The following CACNG3 variants were observed in gnomAD, a reference collection of about 807,000 sequenced individuals.
CACNG3 encodes the protein voltage-dependent calcium channel gamma-3 subunit.
In CACNG3, 3 loss-of-function variants were observed where a neutral mutation model predicts 28.5. The ratio of observed to expected loss-of-function variants is 0.11; its 90% CI spans 0.05 to 0.27. The LOEUF (loss-of-function observed/expected upper bound fraction) is 0.27, where lower values mean the gene tolerates loss of function less well. CACNG3 is among the 10% of genes least tolerant of loss of function. The pLI, the probability that CACNG3 is intolerant of heterozygous loss-of-function variation, is 1.00. For synonymous variants in CACNG3, 174 were observed against 162.2 expected (o/e 1.07, Z -0.55); for missense variants, 236 against 414.4 (o/e 0.57, Z 3.74).
At chr16:24,353,394 G>A (rs1237790667) in intron 2 of CACNG3, among the ~76,000 whole-genome samples, 1 of 152,220 alleles carries the variant, frequency 6.6e-6, no homozygotes, top group Non-Finnish European at 1.5e-5. Context: ...GTAAACCAAT[G>A]AGCACAGAAT....
chr16:24,319,986 G>A (rs112536789), intron 1 of CACNG3, among the ~76,000 whole-genome samples: 1 of 152,290 alleles, frequency 6.6e-6, no homozygotes, highest in African/African-American at 2.4e-5. Flanking sequence ...GGCCAGGCTG[G>A]TCTCGAACTC....
intron 1 of CACNG3, among the ~76,000 whole-genome samples, chr16:24,308,953 C>T (rs1344518056): frequency 2.0e-5 from 3 of 151,786 alleles, no homozygotes; most frequent in African/African-American, 7.3e-5. Flanking sequence ...TGCCACTGGC[C>T]TGGCTACATT....
intron 2 of CACNG3, among the ~76,000 whole-genome samples, chr16:24,354,177 A>G (rs1165667667): frequency 6.6e-6 from 1 of 152,178 alleles, no homozygotes; most frequent in African/African-American, 2.4e-5. Flanking sequence ...GAGTGACAGA[A>G]CAAGCATCAT....
At chr16:24,281,027 A>G (rs145759534) in intron 1 of CACNG3, among the ~76,000 whole-genome samples, 3 of 152,220 alleles carry the variant, frequency 2.0e-5, no homozygotes, top group Admixed American at 6.5e-5. Flanking sequence ...TACTGAAATA[A>G]CAGAGGTATG....
intron 1 of CACNG3, among the ~76,000 whole-genome samples, chr16:24,278,031 C>T (rs1025786203): frequency 7.2e-5 from 11 of 152,144 alleles, no homozygotes; most frequent in Non-Finnish European, 1.0e-4. Flanking sequence ...TGACTTTAAA[C>T]TGTGGTCAGG....
chr16:24,306,616 G>C (rs1899188780), intron 1 of CACNG3, among the ~76,000 whole-genome samples: 1 of 152,114 alleles, frequency 6.6e-6, no homozygotes, highest in African/African-American at 2.4e-5. Flanking sequence ...GACACTCTCT[G>C]CCCCACGCCA....
Position 24,334,809 on chromosome 16 carries a change from A to T in CACNG3, c.212-11925A>T, listed in dbSNP as rs920780389. On this transcript the variant is annotated intron_variant, in intron 1 of 3. Coordinates refer to ENST00000005284, the MANE Select transcript of CACNG3 (RefSeq NM_006539.4). ...CTAGGTCTATTCCCTCCCGGGAGTG[A>T]TGGTTCCTGGGGCTCCTTGCCTGGG... Among the ~76,000 whole-genome samples, 7 of 152,132 alleles carry T rather than the reference A, an allele frequency of 4.6e-5. No homozygotes were observed. In the East Asian group the frequency reaches 1.4e-3, roughly 29 times the overall value.
intron 1 of CACNG3, among the ~76,000 whole-genome samples, chr16:24,315,342 C>T (rs1286836759): frequency 6.6e-6 from 1 of 151,988 alleles, no homozygotes; most frequent in Non-Finnish European, 1.5e-5. Flanking sequence ...GGGTTTACTT[C>T]CCAAGCTGCC....
chr16:24,299,858 C>T (rs770371917), intron 1 of CACNG3, among the ~76,000 whole-genome samples: 2 of 152,066 alleles, frequency 1.3e-5, no homozygotes, highest in Non-Finnish European at 2.9e-5. Flanking sequence ...TAGGGGAAGA[C>T]AAGTGTGCCC....
chr16:24,311,250 C>T (rs947060817), intron 1 of CACNG3, among the ~76,000 whole-genome samples: 1 of 152,196 alleles, frequency 6.6e-6, no homozygotes, highest in Non-Finnish European at 1.5e-5. Context: ...GTGGCTCACG[C>T]CTGTAATCCC....
chr16:24,269,746 CAAAAAAAA>C (rs1163565728), intron 1 of CACNG3, among the ~76,000 whole-genome samples: 8 of 71,088 alleles, frequency 1.1e-4, no homozygotes, highest in African/African-American at 1.9e-4. Context: ...GACTCCATCT[CAAAAAAAA>C]AAAAAAAAAA....
intron 1 of CACNG3, among the ~76,000 whole-genome samples, chr16:24,293,150 T>C (rs1898987235): frequency 2.0e-5 from 3 of 152,220 alleles, no homozygotes; most frequent in Admixed American, 2.0e-4. Context: ...AATTTCAAGG[T>C]TCTAGAGCTG....
chr16:24,342,626 A>G, intron 1 of CACNG3, among the ~76,000 whole-genome samples: 1 of 152,220 alleles, frequency 6.6e-6, no homozygotes, highest in South Asian at 2.1e-4. Flanking sequence ...AGTGGCATCA[A>G]CATGTTTTAT....
intron 2 of CACNG3, among the ~76,000 whole-genome samples, chr16:24,350,630 AG>A (rs1899928722): frequency 1.3e-5 from 2 of 152,202 alleles, no homozygotes; most frequent in African/African-American, 4.8e-5. Flanking sequence ...TAACCAACAC[AG>A]TTCAATAGCT....
chr16:24,359,530 G>A (rs1374930776), intron 3 of CACNG3, among the ~76,000 whole-genome samples: 2 of 152,060 alleles, frequency 1.3e-5, no homozygotes, highest in Non-Finnish European at 2.9e-5. Flanking sequence ...CTGTACTCTG[G>A]AGAAAAATTT....
intron 1 of CACNG3, among the ~76,000 whole-genome samples, chr16:24,285,430 A>G (rs1034091653): frequency 6.6e-5 from 10 of 152,168 alleles, no homozygotes; most frequent in African/African-American, 2.4e-4. Flanking sequence ...GCCCCAACTC[A>G]TCCCCTTCCA....
At chr16:24,264,104 GCAGCTGAGCTGCCACC>G in intron 1 of CACNG3, among the ~76,000 whole-genome samples, 1 of 152,372 alleles carries the variant, frequency 6.6e-6, no homozygotes, top group East Asian at 1.9e-4. Flanking sequence ...CTGGGAGTGG[GCAGCTGAGCTGCCACC>G]CTTGTGTTCA....
intron 1 of CACNG3, among the ~76,000 whole-genome samples, chr16:24,326,198 T>A (rs959296345): frequency 6.6e-6 from 1 of 150,454 alleles, no homozygotes; most frequent in Non-Finnish European, 1.5e-5. Flanking sequence ...TGAGATGGAG[T>A]TTCGCTCTTG....
intron 1 of CACNG3, among the ~76,000 whole-genome samples, chr16:24,298,917 CA>C (rs1183051127): frequency 6.6e-6 from 1 of 152,152 alleles, no homozygotes; most frequent in Admixed American, 6.5e-5. Flanking sequence ...AGAAGTCCAC[CA>C]AGGTAAAATG....
Sources: allele counts gnomAD v4.1 joint callset (sites outside exome capture counted in the v4.1 genomes callset), GRCh38; gene constraint gnomAD v4.1.1; transcripts MANE v1.5; gene names NCBI Gene and HGNC (gene_info 2026-07-23, HGNC 2026-07-21).